The following LNX1 variants were observed in gnomAD, a reference collection of about 807,000 sequenced individuals.
The protein encoded by LNX1 is E3 ubiquitin-protein ligase LNX.
Under a neutral mutation model 68.4 loss-of-function variants are expected in LNX1, and 54 were observed. That is an observed-to-expected ratio of 0.79 (90% CI 0.63 to 0.99). LNX1 has a LOEUF of 0.99. Ranked by LOEUF, LNX1 falls within the 50% of genes least tolerant of loss-of-function variation. LNX1 has a pLI of 0.00. For synonymous variants in LNX1, 336 were observed against 350.0 expected (o/e 0.96, Z 0.45); for missense variants, 906 against 926.4 (o/e 0.98, Z 0.29).
Position 53,506,867 on chromosome 4 carries a change from A to AAAAAAAAT in LNX1, c.775+449_775+450insATTTTTTT, listed in dbSNP as rs1228797638. On this transcript the variant is annotated intron_variant, in intron 4 of 10. Transcript: ENST00000263925. ...AGCAAAACTCTGTCTAAAAAAAAAA[A>AAAAAAAAT]AAAAAAAAGAGGAATAATAGTAGCT... Among the ~76,000 whole-genome samples the AAAAAAAAT allele has an allele frequency of 2.0e-5, 3 of 148,666 alleles. 1 individual carries two copies. The highest frequency in any genetic ancestry group is 4.5e-5 in the Non-Finnish European group (3 of 66,936).
chr4:53,483,502 C>G (rs932181639), intron 6 of LNX1, among the ~76,000 whole-genome samples: 1 of 152,186 alleles, frequency 6.6e-6, no homozygotes, highest in African/African-American at 2.4e-5. Flanking sequence ...AAATCTTAGA[C>G]CTATGAAACT....
chr4:53,505,001 T>C (rs1270151941), intron 4 of LNX1, among the ~76,000 whole-genome samples: 1 of 152,176 alleles, frequency 6.6e-6, no homozygotes, highest in Non-Finnish European at 1.5e-5. Context: ...CACAGAGACA[T>C]GAAGTGAGCA....
intron 9 of LNX1, 149 bp from the exon 10 acceptor site, chr4:53,461,742 G>A (rs1722131313): frequency 3.7e-6 from 2 of 543,968 alleles, no homozygotes; most frequent in Non-Finnish European, 6.3e-6. Flanking sequence ...ATCATACCTT[G>A]GTGACCTTTG....
At chr4:53,462,074 A>G (rs1030838126) in intron 9 of LNX1, among the ~76,000 whole-genome samples, 4 of 152,108 alleles carry the variant, frequency 2.6e-5, no homozygotes, top group African/African-American at 7.2e-5. Context: ...TTGACCTTGG[A>G]AAAATACCAC....
chr4:53,612,083 G>A (rs1248723304), intron 2 of LNX1, among the ~76,000 whole-genome samples: 1 of 152,002 alleles, frequency 6.6e-6, no homozygotes, highest in Admixed American at 6.6e-5. Flanking sequence ...GATATGAATG[G>A]GCAATATACA....
At chr4:53,479,325 A>G (rs1723768421) in intron 7 of LNX1, among the ~76,000 whole-genome samples, 1 of 152,228 alleles carries the variant, frequency 6.6e-6, no homozygotes, top group South Asian at 2.1e-4. Context: ...TCTATGTTAA[A>G]AAAAAGTAAC....
chr4:53,556,873 C>T (rs1182867726), intron 2 of LNX1, among the ~76,000 whole-genome samples: 1 of 152,184 alleles, frequency 6.6e-6, no homozygotes, highest in Non-Finnish European at 1.5e-5. Flanking sequence ...ACCAGACAAG[C>T]TTTTCTGATC....
At chr4:53,539,225 G>C (rs1289473976) in intron 2 of LNX1, 7 of 152,274 alleles carry the variant, frequency 4.6e-5, no homozygotes, top group Admixed American at 4.6e-4. Flanking sequence ...AGGGCCCCCT[G>C]CCAAGTGGAG....
chr4:53,465,539 A>G (rs13435672), intron 9 of LNX1, among the ~76,000 whole-genome samples: 18,961 of 152,260 alleles, frequency 0.12, 1,282 homozygotes, highest in Non-Finnish European at 0.16. Flanking sequence ...CCAGTACTCC[A>G]GAAAGTTTTA....
At chr4:53,590,569 T>G (rs1358005690) in intron 1 of LNX1, among the ~76,000 whole-genome samples, 2 of 152,040 alleles carry the variant, frequency 1.3e-5, no homozygotes, top group African/African-American at 4.8e-5. Context: ...AGAGGTAAAA[T>G]TACTTTAAAA....
At position 53,557,855 on chromosome 4, in the gene LNX1, G is replaced by A. The variant is rs75206406; in HGVS notation, c.380+15768C>T. ...ACTAGGCACATAAACACACAGGCACGGACAGAGAGGGGACTCACAGTTCTG... is the reference window on the plus strand; with the variant it reads ...ACTAGGCACATAAACACACAGGCACAGACAGAGAGGGGACTCACAGTTCTG... On this transcript the variant is annotated intron_variant, in intron 2 of 10. Transcript: ENST00000263925. 3.3e-3 allele frequency: 5,344 copies of A among 1,612,478 alleles called. 90 individuals are homozygous for A. The East Asian group carries it at 0.043, about 13-fold the overall frequency.
chr4:53,465,991 CT>C (rs572301930), intron 9 of LNX1, among the ~76,000 whole-genome samples: 1 of 152,112 alleles, frequency 6.6e-6, no homozygotes, highest in Non-Finnish European at 1.5e-5. Context: ...ATTAAATACT[CT>C]TTCAAAAAAT....
At chr4:53,575,774 G>A (rs1731445389) in intron 1 of LNX1, 23 of 1,567,146 alleles carry the variant, frequency 1.5e-5, no homozygotes, top group Non-Finnish European at 2.0e-5. Flanking sequence ...CACAGTGGCC[G>A]AGTGAGTTTC....
At chr4:53,485,208 T>G (rs901828947) in intron 6 of LNX1, among the ~76,000 whole-genome samples, 1 of 152,206 alleles carries the variant, frequency 6.6e-6, no homozygotes, top group Non-Finnish European at 1.5e-5. Context: ...TAAGAAGTGG[T>G]GAACATTCAG....
chr4:53,564,331 C>G (rs1203067514), intron 2 of LNX1, among the ~76,000 whole-genome samples: 1 of 152,146 alleles, frequency 6.6e-6, no homozygotes, highest in Non-Finnish European at 1.5e-5. Context: ...ACCTGCTAGC[C>G]CTTCCCCTTC....
chr4:53,501,674 T>G (rs1463290732), intron 4 of LNX1, among the ~76,000 whole-genome samples: 3 of 152,144 alleles, frequency 2.0e-5, no homozygotes. Flanking sequence ...GTGGCGCCAG[T>G]CCCTTTACTG....
intron 1 of LNX1, among the ~76,000 whole-genome samples, chr4:53,644,865 A>T (rs1296024546): frequency 6.6e-6 from 1 of 152,158 alleles, no homozygotes; most frequent in African/African-American, 2.4e-5. Flanking sequence ...TAAGGGAGAG[A>T]TGTGGTAACA....
rs567792251 is a variant in LNX1 at position 53,588,684 on chromosome 4, T to C, written c.-87+2704A>G. On this transcript the variant is annotated intron_variant, in intron 1 of 10. Coordinates refer to ENST00000263925, the MANE Select transcript of LNX1 (RefSeq NM_001126328.3). The stretch of plus-strand genomic sequence containing the variant: ...TGAAGTACACCATTTTAGCGTCCTT[T>C]GGGGAAAAATGTAGCTAAGGAAACT... Among the ~76,000 whole-genome samples, 4 of 152,220 alleles carry C rather than the reference T, an allele frequency of 2.6e-5. No homozygotes were observed. In the East Asian group the frequency reaches 7.7e-4, roughly 29 times the overall value.
intron 1 of LNX1, among the ~76,000 whole-genome samples, chr4:53,623,948 C>T (rs1167088981): frequency 6.6e-6 from 1 of 152,108 alleles, no homozygotes; most frequent in Admixed American, 6.6e-5. Context: ...AAACTTGCAT[C>T]AAAAGATCTG....
Sources: allele counts gnomAD v4.1 joint callset (sites outside exome capture counted in the v4.1 genomes callset), GRCh38; gene constraint gnomAD v4.1.1; transcripts MANE v1.5; gene names NCBI Gene and HGNC (gene_info 2026-07-23, HGNC 2026-07-21).